Variants in BMPR2 observed in about 807,000 individuals in gnomAD.
BMPR2 encodes the protein bone morphogenetic protein receptor type-2.
A neutral mutation model predicts 100.8 loss-of-function variants in BMPR2; 29 were observed. That is an observed-to-expected ratio of 0.29 (90% CI 0.21 to 0.39). The LOEUF (loss-of-function observed/expected upper bound fraction) is 0.39, where lower values mean the gene tolerates loss of function less well. Among genes scored for constraint, BMPR2 ranks in the 10% least tolerant of loss-of-function variants. The probability of loss-of-function intolerance (pLI) is 1.00; values close to 1 mark genes in which losing one functional copy is unlikely to be tolerated. For synonymous variants in BMPR2, 382 were observed against 442.3 expected (o/e 0.86, Z 1.71); for missense variants, 1,011 against 1,274.5 (o/e 0.79, Z 3.15).
chr2:202,555,368 C>T lies in BMPR2; in HGVS notation c.1703C>T (p.Ser568Phe). The T allele has an allele frequency of 3.1e-6, 5 of 1,614,166 alleles. No individual in the cohort carries two copies. The highest frequency in any genetic ancestry group is 3.4e-6 in the Non-Finnish European group (4 of 1,180,018). Residue 568 changes from serine (S) to phenylalanine (F), a missense_variant, in exon 12 of 13, where the codon TCT (serine) becomes TTT (phenylalanine). Coordinates refer to ENST00000374580, the MANE Select transcript of BMPR2 (RefSeq NM_001204.7). ...GACAGCATCGTGAAGAATATTTCCTCTGAGCATTCTATGTCCAGCACACCT... is the reference window on the plus strand; with the variant it reads ...GACAGCATCGTGAAGAATATTTCCTTTGAGCATTCTATGTCCAGCACACCT... ...HTDSIVKNIS[S>F]EHSMSSTPLT...
At chr2:202,426,279 T>C (rs1229042415) in intron 1 of BMPR2, among the ~76,000 whole-genome samples, 2 of 152,134 alleles carry the variant, frequency 1.3e-5, no homozygotes, top group Non-Finnish European at 2.9e-5. Context: ...GGGATTGTTA[T>C]TGCATATAAT....
In BMPR2 at chr2:202,467,547, A is replaced by G. The variant is rs140683387; in HGVS notation, c.276A>G (p.Gln92=). Residue 92 remains glutamine (Q), a synonymous_variant, in exon 3 of 13, where the codon CAA becomes CAG. Coordinates refer to ENST00000374580, the MANE Select transcript of BMPR2 (RefSeq NM_001204.7). ...QGCWSHIGDP[Q]ECHYEECVVT... Reference sequence around the variant, plus strand: ...GTTGGTCTCACATTGGAGATCCCCAAGAGTGTCACTATGAAGAATGTGTAG... The same window carrying G: ...GTTGGTCTCACATTGGAGATCCCCAGGAGTGTCACTATGAAGAATGTGTAG... The G allele has an allele frequency of 6.4e-7, 1 of 1,565,690 alleles. No individual in the cohort carries two copies. Among genetic ancestry groups the G allele is most frequent in the Non-Finnish European group, 8.8e-7 (1 of 1,136,022 alleles).
Position 202,495,006 on chromosome 2 carries a change from T to A in BMPR2, c.419-18713T>A, listed in dbSNP as rs1692992492. 6.6e-6 allele frequency among the ~76,000 whole-genome samples: 1 copy of A among 152,204 alleles called. No homozygotes were observed. Among genetic ancestry groups the A allele is most frequent in the African/African-American group, 2.4e-5 (1 of 41,462 alleles). The stretch of plus-strand genomic sequence containing the variant: ...CGCTGCTCAGACCTCTAGGGGACCA[T>A]ACAGACAGGTAGGCTGTGGGGCTCC... On this transcript the variant is annotated intron_variant, in intron 3 of 12. Transcript: ENST00000374580. The surrounding 1 kb of genome is among the most constrained non-coding windows in gnomAD (Gnocchi z 4.5).
intron 7 of BMPR2, among the ~76,000 whole-genome samples, chr2:202,527,545 G>A (rs1345094249): frequency 4.0e-5 from 6 of 151,388 alleles, no homozygotes; most frequent in Middle Eastern, 3.4e-3. Context: ...CAGCACTTTG[G>A]GAGGCCGAGG....
chr2:202,492,638 TG>T (rs963401609), intron 3 of BMPR2, among the ~76,000 whole-genome samples: 2 of 140,322 alleles, frequency 1.4e-5, no homozygotes, highest in African/African-American at 2.7e-5. Context: ...AGGCAGAGGT[TG>T]CAGTAAACAG....
intron 1 of BMPR2, among the ~76,000 whole-genome samples, chr2:202,435,937 C>T (rs185052089): frequency 2.0e-5 from 3 of 150,538 alleles, no homozygotes; most frequent in African/African-American, 7.5e-5. Flanking sequence ...GATGAAGTCA[C>T]CTAACAACAA....
intron 1 of BMPR2, among the ~76,000 whole-genome samples, chr2:202,420,500 G>A (rs1189648584): frequency 6.8e-6 from 1 of 146,990 alleles, no homozygotes; most frequent in East Asian, 2.0e-4. Flanking sequence ...AACCCTATAC[G>A]TCCTGTCTGG....
intron 7 of BMPR2, among the ~76,000 whole-genome samples, chr2:202,530,514 A>G (rs1425137599): frequency 1.3e-5 from 2 of 152,014 alleles, no homozygotes; most frequent in Non-Finnish European, 2.9e-5. Flanking sequence ...TTACAGCCCT[A>G]TACTATAAAT....
At chr2:202,412,683 A>T (rs569566240) in intron 1 of BMPR2, among the ~76,000 whole-genome samples, 27 of 152,242 alleles carry the variant, frequency 1.8e-4, no homozygotes, top group Non-Finnish European at 3.5e-4. Context: ...TAAAAATATA[A>T]GCAGGAATTT....
intron 2 of BMPR2, among the ~76,000 whole-genome samples, chr2:202,465,815 T>C (rs1692309224): frequency 6.6e-6 from 1 of 151,760 alleles, no homozygotes; most frequent in Admixed American, 6.6e-5. Flanking sequence ...ATCGCACCAC[T>C]GCACTCCAGC....
intron 7 of BMPR2, among the ~76,000 whole-genome samples, chr2:202,521,227 G>A (rs1687813019): frequency 3.9e-5 from 6 of 152,202 alleles, no homozygotes; most frequent in Admixed American, 3.9e-4. Context: ...TTGCAAGAGA[G>A]TTTCATAAAA....
chr2:202,465,029 A>G (rs1692293135), intron 2 of BMPR2, 50 bp downstream of exon 2: 2 of 1,598,500 alleles, frequency 1.3e-6, no homozygotes, highest in Non-Finnish European at 1.7e-6. Context: ...TACAATTGAT[A>G]TTTATCTAAA....
chr2:202,438,404 A>G (rs1574449216), intron 1 of BMPR2, among the ~76,000 whole-genome samples: 1 of 150,658 alleles, frequency 6.6e-6, no homozygotes, highest in South Asian at 2.1e-4. Context: ...TTTTTCCCCC[A>G]TTCTGTGAGT....
intron 3 of BMPR2, among the ~76,000 whole-genome samples, chr2:202,486,652 G>C (rs915375299): frequency 2.6e-5 from 4 of 150,994 alleles, no homozygotes; most frequent in East Asian, 3.9e-4. Context: ...CACATTAAAG[G>C]CTTATTGCAC....
intron 1 of BMPR2, among the ~76,000 whole-genome samples, chr2:202,451,981 C>T (rs1430495230): frequency 4.6e-5 from 7 of 151,968 alleles, no homozygotes; most frequent in East Asian, 1.9e-4. Flanking sequence ...CTCAACCTCC[C>T]GACCTTAGGT....
chr2:202,551,995 C>T (rs911197515), intron 10 of BMPR2, among the ~76,000 whole-genome samples: 1 of 151,886 alleles, frequency 6.6e-6, no homozygotes, highest in Admixed American at 6.6e-5. Flanking sequence ...GCTGGGACTA[C>T]AGGCGCATGC....
rs1452622145 is a variant in BMPR2 at position 202,382,706 on chromosome 2, A to G, written c.76+5156A>G. ...TTTCTTTGTCCTAGTTCCTTCAACT[A>G]TAAAGTATGTAGTTTAAGAGGTATA... is the stretch of plus-strand genomic sequence containing the variant. On this transcript the variant is annotated intron_variant, in intron 1 of 12. Coordinates refer to ENST00000374580, the MANE Select transcript of BMPR2 (RefSeq NM_001204.7). 2.0e-5 allele frequency among the ~76,000 whole-genome samples: 3 copies of G among 152,248 alleles called. No individual in the cohort carries two copies. In the East Asian group the frequency reaches 5.8e-4, roughly 29 times the overall value.
intron 3 of BMPR2, among the ~76,000 whole-genome samples, chr2:202,502,394 CAAAG>C (rs765727578): frequency 8.5e-4 from 128 of 151,078 alleles, no homozygotes; most frequent in Non-Finnish European, 1.4e-3. Flanking sequence ...AGAGAAGAGA[CAAAG>C]AAGTCAGAAA....
In BMPR2 at chr2:202,386,002, G is replaced by A. The variant is rs548594985; in HGVS notation, c.76+8452G>A. ...TTAATCCTTTTTTTTCATCCTTCAA[G>A]TACTTTCTTCATTTGGCTTTTAAGA... On this transcript the variant is annotated intron_variant, in intron 1 of 12. Transcript: ENST00000374580. 2.1e-3 allele frequency among the ~76,000 whole-genome samples: 326 copies of A among 151,888 alleles called. 2 individuals carry two copies. Among genetic ancestry groups the A allele is most frequent in the Non-Finnish European group, 3.4e-3 (233 of 67,966 alleles).
Sources: allele counts gnomAD v4.1 joint callset (sites outside exome capture counted in the v4.1 genomes callset), GRCh38; gene constraint gnomAD v4.1.1; non-coding constraint Gnocchi (gnomAD v3.1); transcripts MANE v1.5; gene names NCBI Gene and HGNC (gene_info 2026-07-23, HGNC 2026-07-21).